The following SPRYD7 variants were observed in gnomAD, a reference collection of about 807,000 sequenced individuals.
SPRYD7 encodes SPRY domain-containing protein 7.
A neutral mutation model predicts 23.8 loss-of-function variants in SPRYD7; 14 were observed. The observed-to-expected ratio is 0.59, with a 90% CI of 0.39 to 0.92. SPRYD7 has a LOEUF of 0.92. Among genes scored for constraint, SPRYD7 ranks in the 40% least tolerant of loss-of-function variants. The pLI, the probability that SPRYD7 is intolerant of heterozygous loss-of-function variation, is 0.00. For synonymous variants in SPRYD7, 75 were observed against 84.9 expected (o/e 0.88, Z 0.64); for missense variants, 194 against 241.7 (o/e 0.80, Z 1.31).
intron 2 of SPRYD7, among the ~76,000 whole-genome samples, chr13:49,928,639 C>T (rs1413157184): frequency 6.6e-6 from 1 of 152,094 alleles, no homozygotes; most frequent in African/African-American, 2.4e-5. Flanking sequence ...TAACAGTACT[C>T]ACCTTGCAAG....
At chr13:49,931,724 A>G (rs1361499709) in intron 1 of SPRYD7, among the ~76,000 whole-genome samples, 2 of 151,872 alleles carry the variant, frequency 1.3e-5, no homozygotes, top group East Asian at 3.9e-4. Flanking sequence ...CGAGGTGGGC[A>G]GACTGCTTGA....
rs192554228 is a variant in SPRYD7 at position 49,930,967 on chromosome 13, T to C, written c.223+51A>G. On this transcript the variant is annotated intron_variant, in intron 2 of 4. Coordinates refer to ENST00000361840, the MANE Select transcript of SPRYD7 (RefSeq NM_020456.4). ...TTTTTTATGTGTTACAAATTACTCT[T>C]AATATTTAGAACAATTAGGACTTTT... is the stretch of plus-strand genomic sequence containing the variant. 3.1e-4 allele frequency: 358 copies of C among 1,147,328 alleles called. 2 individuals are homozygous for C. The African/African-American group carries it at 4.5e-3, about 14-fold the overall frequency. 71.1% of individuals were successfully genotyped at this position (1,147,328 alleles called of 1,614,324 possible). A position where few individuals can be genotyped will look rare whatever the true frequency, so the allele number is the denominator to read the frequency against.
chr13:49,930,733 T>C (rs1038223829), intron 2 of SPRYD7, among the ~76,000 whole-genome samples: 1 of 152,206 alleles, frequency 6.6e-6, no homozygotes, highest in African/African-American at 2.4e-5. Flanking sequence ...ACTAGTGCCT[T>C]ATATTTATGC....
chr13:49,931,162 A>C (rs201202950), intron 1 of SPRYD7, 28 bp from the exon 2 acceptor site: 38 of 1,406,846 alleles, frequency 2.7e-5, no homozygotes, highest in Non-Finnish European at 3.7e-5. Flanking sequence ...ACACTATGTA[A>C]AGTTTTGTAT....
chr13:49,935,079 C>T (rs1000766378), intron 1 of SPRYD7, among the ~76,000 whole-genome samples: 2 of 152,156 alleles, frequency 1.3e-5, no homozygotes, highest in Non-Finnish European at 2.9e-5. Flanking sequence ...TAAATACACA[C>T]ATACAAGGTG....
At chr13:49,920,052 G>A (rs60016474) in intron 4 of SPRYD7, among the ~76,000 whole-genome samples, 2,344 of 152,004 alleles carry the variant, frequency 0.015, 45 homozygotes, top group African/African-American at 0.053. Flanking sequence ...TACATGTTTG[G>A]AATTTTCTAT....
chr13:49,927,137 A>C (rs970331658), intron 3 of SPRYD7, among the ~76,000 whole-genome samples: 4 of 152,212 alleles, frequency 2.6e-5, no homozygotes, highest in African/African-American at 9.6e-5. Context: ...GTTAAGTTTA[A>C]TGAAGATGAA....
At chr13:49,916,537 A>G (rs1464109083) in intron 4 of SPRYD7, among the ~76,000 whole-genome samples, 1 of 151,992 alleles carries the variant, frequency 6.6e-6, no homozygotes. Flanking sequence ...TCTATACAAC[A>G]AACCCCCCAC....
At chr13:49,926,577 AC>A (rs1181462886) in intron 3 of SPRYD7, among the ~76,000 whole-genome samples, 9 of 152,160 alleles carry the variant, frequency 5.9e-5, no homozygotes, top group Non-Finnish European at 1.3e-4. Context: ...TGGAAAAAAA[AC>A]TTCCAACAAT....
chr13:49,914,103 T>C lies in SPRYD7; in HGVS notation c.*960A>G, dbSNP rs1480376564. On this transcript the variant is annotated 3_prime_UTR_variant, in exon 5 of 5. Coordinates refer to ENST00000361840, the MANE Select transcript of SPRYD7 (RefSeq NM_020456.4). ...ACGTATCTAAAGATGTATAGAGTGA[T>C]TGGTTCAGGTCACAGGGCGTTAACT... is the stretch of plus-strand genomic sequence containing the variant. 4 of 153,780 alleles carry C rather than the reference T, an allele frequency of 2.6e-5. No individual in the cohort carries two copies. The Admixed American group carries it at 2.6e-4, about 10-fold the overall frequency. 9.5% of individuals were successfully genotyped at this position (153,780 alleles called of 1,614,324 possible). A position where few individuals can be genotyped will look rare whatever the true frequency, so the allele number is the denominator to read the frequency against.
intron 1 of SPRYD7, among the ~76,000 whole-genome samples, chr13:49,931,822 C>T (rs1262899357): frequency 1.3e-5 from 2 of 152,100 alleles, no homozygotes; most frequent in Admixed American, 1.3e-4. Flanking sequence ...GTGGCACAAG[C>T]CTGTAGTCCC....
Position 49,923,251 on chromosome 13 carries a change from G to GT in SPRYD7, c.391-1672dup, listed in dbSNP as rs916763370. Among the ~76,000 whole-genome samples the GT allele has an allele frequency of 5.1e-4, 75 of 147,610 alleles. 1 individual carries two copies. Among genetic ancestry groups the GT allele is most frequent in the South Asian group, 3.0e-3 (14 of 4,608 alleles). On this transcript the variant is annotated intron_variant, in intron 3 of 4. Transcript: ENST00000361840. ...TTGCAAACAAACAAGTTTGTTTTTT[G>GT]TTTTTTTTTTGAGACAGAGTCTCGT...
intron 3 of SPRYD7, among the ~76,000 whole-genome samples, chr13:49,926,075 T>A (rs1955879678): frequency 6.6e-6 from 1 of 152,232 alleles, no homozygotes; most frequent in East Asian, 1.9e-4. Context: ...TGGTAAAATT[T>A]GTTCTCCAGT....
intron 2 of SPRYD7, among the ~76,000 whole-genome samples, chr13:49,930,607 C>A (rs947752649): frequency 1.3e-5 from 2 of 151,608 alleles, no homozygotes; most frequent in African/African-American, 4.8e-5. Flanking sequence ...AAGAAAAACT[C>A]AGAATCAACA....
In SPRYD7 at chr13:49,914,855, A is replaced by G. The variant is rs1380666239; in HGVS notation, c.*208T>C. The G allele has an allele frequency of 3.5e-6, 1 of 282,062 alleles. No homozygotes were observed. Among genetic ancestry groups the G allele is most frequent in the Non-Finnish European group, 6.9e-6 (1 of 145,536 alleles). 17.5% of individuals were successfully genotyped at this position (282,062 alleles called of 1,614,324 possible). On this transcript the variant is annotated 3_prime_UTR_variant, in exon 5 of 5. Coordinates refer to ENST00000361840, the MANE Select transcript of SPRYD7 (RefSeq NM_020456.4). ...ATTTATTTAAATAAGAATTAAATAAACTGCCCAAATGCTTATTTTCATTTC... is the reference window on the plus strand; with the variant it reads ...ATTTATTTAAATAAGAATTAAATAAGCTGCCCAAATGCTTATTTTCATTTC...
At chr13:49,920,503 C>T (rs1168322870) in intron 4 of SPRYD7, among the ~76,000 whole-genome samples, 1 of 152,058 alleles carries the variant, frequency 6.6e-6, no homozygotes, top group African/African-American at 2.4e-5. Flanking sequence ...CTTTTTGAAA[C>T]TTTCTAAAAC....
intron 4 of SPRYD7, among the ~76,000 whole-genome samples, chr13:49,917,702 T>C (rs1359153317): frequency 2.6e-5 from 4 of 152,244 alleles, no homozygotes; most frequent in Non-Finnish European, 5.9e-5. Context: ...ATTAAACTTA[T>C]TTGCTACAGT....
chr13:49,918,403 C>CTTTTTT (rs11436488), intron 4 of SPRYD7, among the ~76,000 whole-genome samples: 12 of 143,040 alleles, frequency 8.4e-5, no homozygotes, highest in African/African-American at 1.3e-4. Flanking sequence ...TAAATTAGTT[C>CTTTTTT]TTTTTTTTTT....
chr13:49,934,555 C>CAAA (rs889803067), intron 1 of SPRYD7, among the ~76,000 whole-genome samples: 25 of 54,090 alleles, frequency 4.6e-4, no homozygotes, highest in African/African-American at 6.4e-4. Flanking sequence ...AACTCCGTCT[C>CAAA]AAAAAAAAAA....
Sources: allele counts gnomAD v4.1 joint callset (sites outside exome capture counted in the v4.1 genomes callset), GRCh38; gene constraint gnomAD v4.1.1; transcripts MANE v1.5; gene names NCBI Gene and HGNC (gene_info 2026-07-23, HGNC 2026-07-21).